CDH10: variants seen among roughly 807,000 people sequenced by gnomAD.
CDH10 encodes cadherin-10.
A neutral mutation model predicts 73.1 loss-of-function variants in CDH10; 30 were observed. That is an observed-to-expected ratio of 0.41 (90% CI 0.31 to 0.56). The LOEUF is 0.56. CDH10 is among the 20% of genes least tolerant of loss of function. The pLI, the probability that CDH10 is intolerant of heterozygous loss-of-function variation, is 0.27. For missense variants in CDH10, 815 were observed against 973.7 expected (o/e 0.84, Z 2.17); for synonymous variants, 345 against 348.2 (o/e 0.99, Z 0.10).
chr5:24,615,904 G>A (rs1476513130), intron 1 of CDH10, among the ~76,000 whole-genome samples: 1 of 152,092 alleles, frequency 6.6e-6, no homozygotes, highest in African/African-American at 2.4e-5. Flanking sequence ...AGATCCCTTG[G>A]CAATTAGAAG....
intron 2 of CDH10, among the ~76,000 whole-genome samples, chr5:24,566,932 C>T (rs1033742000): frequency 6.6e-6 from 1 of 151,992 alleles, no homozygotes; most frequent in East Asian, 1.9e-4. Context: ...ATTTAGAATG[C>T]CTACATATTT....
chr5:24,522,634 C>T lies in CDH10; in HGVS notation c.815-11120G>A, dbSNP rs867088992. Among the ~76,000 whole-genome samples, 17 of 152,268 alleles carry T rather than the reference C, an allele frequency of 1.1e-4. No individual in the cohort carries two copies. The Middle Eastern group carries it at 0.01, about 91-fold the overall frequency. On this transcript the variant is annotated intron_variant, in intron 5 of 11. Transcript: ENST00000264463. ...CAGGTCTGCCAAATTGAAGCAAATG[C>T]TATAGGGCTGCTCACTAACAAATTT...
chr5:24,553,435 T>C (rs1744623284), intron 2 of CDH10, among the ~76,000 whole-genome samples: 2 of 152,076 alleles, frequency 1.3e-5, no homozygotes, highest in Admixed American at 1.3e-4. Context: ...TCCTGTTTAT[T>C]AGATATTCAT....
intron 1 of CDH10, among the ~76,000 whole-genome samples, chr5:24,627,511 C>T (rs1747551528): frequency 2.0e-5 from 3 of 152,090 alleles, no homozygotes; most frequent in Non-Finnish European, 4.4e-5. Context: ...ATAGCGGTTA[C>T]GAATGGAGGA....
chr5:24,595,105 T>A lies in CDH10; in HGVS notation c.-123-1492A>T, dbSNP rs536799409. The stretch of plus-strand genomic sequence containing the variant: ...TAATATTGTGAACATACTTATTTTG[T>A]TTTGTGTGTGTGTGTGTGTGTCTAT... On this transcript the variant is annotated intron_variant, in intron 1 of 11. Transcript: ENST00000264463. Among the ~76,000 whole-genome samples the A allele has an allele frequency of 2.0e-5, 3 of 151,094 alleles. No individual in the cohort carries two copies. In the South Asian group the frequency reaches 6.2e-4, roughly 31 times the overall value.
intron 5 of CDH10, among the ~76,000 whole-genome samples, chr5:24,523,518 T>C (rs1044316885): frequency 1.3e-5 from 2 of 152,166 alleles, no homozygotes; most frequent in Non-Finnish European, 1.5e-5. Flanking sequence ...AACATTCCTT[T>C]GTTCCATTAA....
rs906427135 is a variant in CDH10 at position 24,600,981 on chromosome 5, CT to C, written c.-123-7369del. 2.8e-4 allele frequency among the ~76,000 whole-genome samples: 42 copies of C among 149,722 alleles called. 1 individual carries two copies. Among genetic ancestry groups the C allele is most frequent in the African/African-American group, 7.1e-4 (29 of 40,742 alleles). On this transcript the variant is annotated intron_variant, in intron 1 of 11. Transcript: ENST00000264463. ...GGCCCTAGGCAGTTTGTATATGTGG[CT>C]TTTTTTTTCTTAAAAAAATAAAAGA...
intron 5 of CDH10, among the ~76,000 whole-genome samples, chr5:24,516,128 T>A (rs1003559949): frequency 6.6e-6 from 1 of 152,188 alleles, no homozygotes. Context: ...GTGCAGAATC[T>A]CTTTCAAGGA....
chr5:24,570,206 C>A (rs1745326958), intron 2 of CDH10, among the ~76,000 whole-genome samples: 1 of 152,086 alleles, frequency 6.6e-6, no homozygotes, highest in Non-Finnish European at 1.5e-5. Context: ...TATTTCTATT[C>A]AACTTTGTTT....
intron 2 of CDH10, among the ~76,000 whole-genome samples, chr5:24,553,702 A>T (rs984300731): frequency 6.6e-6 from 1 of 152,084 alleles, no homozygotes; most frequent in Non-Finnish European, 1.5e-5. Flanking sequence ...TCTTTCAGTA[A>T]CTTGCCATTC....
At position 24,572,781 on chromosome 5, in the gene CDH10, CT is replaced by C. The variant is rs551457193; in HGVS notation, c.231+20478del. 1.8e-4 allele frequency among the ~76,000 whole-genome samples: 28 copies of C among 151,966 alleles called. No homozygotes were observed. The South Asian group carries it at 5.8e-3, about 32-fold the overall frequency. On this transcript the variant is annotated intron_variant, in intron 2 of 11. Coordinates refer to ENST00000264463, the MANE Select transcript of CDH10 (RefSeq NM_006727.5). ...AAGAAGAAAGCAAGCACACATAAAT[CT>C]TGTGTCTTTCTCACACCATATTCAC...
chr5:24,524,886 A>G (rs530097924), intron 5 of CDH10, among the ~76,000 whole-genome samples: 1 of 152,234 alleles, frequency 6.6e-6, no homozygotes, highest in South Asian at 2.1e-4. Flanking sequence ...GTTATTAATG[A>G]TTTCAAACAA....
At chr5:24,537,785 T>G in intron 2 of CDH10, 111 bp from the exon 3 acceptor site, 3 of 635,400 alleles carry the variant, frequency 4.7e-6, no homozygotes, top group Non-Finnish European at 8.1e-6. Context: ...GGGTCGGCTA[T>G]CCTACTTCTT....
intron 2 of CDH10, among the ~76,000 whole-genome samples, chr5:24,558,565 T>C (rs1343895342): frequency 6.6e-6 from 1 of 151,646 alleles, no homozygotes; most frequent in Non-Finnish European, 1.5e-5. Context: ...TATAGAATAC[T>C]GCATTCAACT....
intron 7 of CDH10, among the ~76,000 whole-genome samples, chr5:24,508,751 T>G (rs1742788614): frequency 6.6e-6 from 1 of 151,738 alleles, no homozygotes; most frequent in African/African-American, 2.4e-5. Context: ...ACCCCTGAGC[T>G]TAAGCAATAT....
At chr5:24,531,431 A>G (rs1242761832) in intron 5 of CDH10, among the ~76,000 whole-genome samples, 1 of 152,068 alleles carries the variant, frequency 6.6e-6, no homozygotes, top group Non-Finnish European at 1.5e-5. Flanking sequence ...GTATTAGTCT[A>G]TTCTCATGCT....
intron 1 of CDH10, among the ~76,000 whole-genome samples, chr5:24,632,285 T>A (rs1027599468): frequency 2.6e-5 from 4 of 152,140 alleles, no homozygotes; most frequent in South Asian, 2.1e-4. Context: ...GACTATGACA[T>A]CATCAGAAGG....
intron 5 of CDH10, among the ~76,000 whole-genome samples, chr5:24,517,034 T>C (rs1321139567): frequency 1.3e-5 from 2 of 152,150 alleles, no homozygotes; most frequent in Non-Finnish European, 2.9e-5. Context: ...AACATGTTAA[T>C]TGACTTTCAT....
At chr5:24,584,491 A>ATCTCT (rs1745919101) in intron 2 of CDH10, among the ~76,000 whole-genome samples, 1 of 119,924 alleles carries the variant, frequency 8.3e-6, no homozygotes, top group African/African-American at 3.2e-5. Context: ...AGAGAGAGAG[A>ATCTCT]GAGAGAGTCT....
Sources: gnomAD v4.1 joint callset for allele counts (sites outside exome capture counted in the v4.1 genomes callset) on GRCh38, gnomAD v4.1.1 for gene constraint, MANE v1.5 for transcripts, NCBI Gene and HGNC (gene_info 2026-07-23, HGNC 2026-07-21) for gene names.